Variants in SLC22A24 observed in about 807,000 individuals in gnomAD.
The protein encoded by SLC22A24 is solute carrier family 22 member 24.
A neutral mutation model predicts 49.8 loss-of-function variants in SLC22A24; 53 were observed. The ratio of observed to expected loss-of-function variants is 1.06; its 90% CI spans 0.85 to 1.34. SLC22A24 has a LOEUF of 1.34. SLC22A24 is among the 40% of genes most tolerant of loss of function. The pLI, the probability that SLC22A24 is intolerant of heterozygous loss-of-function variation, is 0.00. For synonymous variants in SLC22A24, 302 were observed against 256.4 expected (o/e 1.18, Z -1.70); for missense variants, 786 against 675.9 (o/e 1.16, Z -1.81).
intron 4 of SLC22A24, among the ~76,000 whole-genome samples, chr11:63,107,567 T>C (rs2087130003): frequency 6.6e-6 from 1 of 152,228 alleles, no homozygotes; most frequent in Non-Finnish European, 1.5e-5. Context: ...TCCATGAGCA[T>C]GGAATGTTTT....
At chr11:63,127,956 G>A (rs1399445227) in intron 2 of SLC22A24, among the ~76,000 whole-genome samples, 2 of 151,868 alleles carry the variant, frequency 1.3e-5, no homozygotes, top group East Asian at 3.9e-4. Flanking sequence ...CTGTGCAGAA[G>A]CTCTTTAGTT....
intron 4 of SLC22A24, among the ~76,000 whole-genome samples, chr11:63,113,627 G>A (rs2087191195): frequency 6.6e-6 from 1 of 151,964 alleles, no homozygotes; most frequent in South Asian, 2.1e-4. Context: ...AGGCCGAGGT[G>A]GGCAGATCAC....
intron 4 of SLC22A24, among the ~76,000 whole-genome samples, chr11:63,113,578 G>A (rs892183281): frequency 1.1e-4 from 17 of 151,808 alleles, no homozygotes; most frequent in Non-Finnish European, 1.8e-4. Context: ...TGTTGAGGCC[G>A]GGCACAGTGG....
At chr11:63,113,451 G>A (rs908661652) in intron 4 of SLC22A24, among the ~76,000 whole-genome samples, 19 of 151,832 alleles carry the variant, frequency 1.3e-4, no homozygotes, top group Middle Eastern at 6.8e-3. Context: ...CAGGCCCATT[G>A]GTGGCAAAAT....
intron 4 of SLC22A24, among the ~76,000 whole-genome samples, chr11:63,117,805 C>A (rs931330924): frequency 6.6e-6 from 1 of 152,132 alleles, no homozygotes; most frequent in Non-Finnish European, 1.5e-5. Context: ...AGGCTGCCAG[C>A]CAAGAGTAGG....
intron 2 of SLC22A24, among the ~76,000 whole-genome samples, chr11:63,131,433 G>A (rs983968695): frequency 6.6e-6 from 1 of 152,122 alleles, no homozygotes; most frequent in Non-Finnish European, 1.5e-5. Flanking sequence ...TCCTTTCCAT[G>A]TTTAGTGCTT....
chr11:63,143,129 C>T (rs2087426974), intron 1 of SLC22A24, among the ~76,000 whole-genome samples: 1 of 152,014 alleles, frequency 6.6e-6, no homozygotes, highest in Admixed American at 6.6e-5. Flanking sequence ...GTGTTTGAGC[C>T]TAGTTATAAT....
At chr11:63,121,416 A>G (rs929786301) in intron 2 of SLC22A24, among the ~76,000 whole-genome samples, 2 of 152,152 alleles carry the variant, frequency 1.3e-5, no homozygotes, top group African/African-American at 2.4e-5. Context: ...GGAAATGAGA[A>G]TAGGAAAAAA....
chr11:63,087,743 A>G (rs942375649), intron 6 of SLC22A24, among the ~76,000 whole-genome samples: 7 of 151,794 alleles, frequency 4.6e-5, no homozygotes, highest in African/African-American at 1.2e-4. Context: ...TGGTGGGGGG[A>G]GGGGTGTGCG....
chr11:63,113,203 C>CAT (rs1392395181), intron 4 of SLC22A24, among the ~76,000 whole-genome samples: 510 of 3,742 alleles, frequency 0.14, 210 homozygotes, highest in Middle Eastern at 0.25. Context: ...TATATATATA[C>CAT]ATATATATAC....
At chr11:63,137,209 T>C (rs1939755) in intron 1 of SLC22A24, among the ~76,000 whole-genome samples, 151,676 of 152,292 alleles carry the variant, frequency 1, 75,535 homozygotes, top group Middle Eastern at 1. Flanking sequence ...GGCTTCTCCT[T>C]AATCAGGAAG....
intron 2 of SLC22A24, among the ~76,000 whole-genome samples, chr11:63,119,976 T>A (rs1372063446): frequency 6.6e-6 from 1 of 151,976 alleles, no homozygotes; most frequent in African/African-American, 2.4e-5. Flanking sequence ...TTGTTTGTTT[T>A]TTTCTTGTAA....
chr11:63,118,849 A>G, intron 4 of SLC22A24, 63 bp downstream of exon 4: 1 of 1,532,952 alleles, frequency 6.5e-7, no homozygotes, highest in Non-Finnish European at 8.8e-7. Flanking sequence ...AGGTGTCAGA[A>G]TTTTCCTTTC....
At chr11:63,124,417 C>A (rs2087273768) in intron 2 of SLC22A24, among the ~76,000 whole-genome samples, 1 of 152,116 alleles carries the variant, frequency 6.6e-6, no homozygotes, top group African/African-American at 2.4e-5. Flanking sequence ...GCAGACGGTT[C>A]TTTTTAAAGA....
intron 2 of SLC22A24, among the ~76,000 whole-genome samples, chr11:63,130,907 C>G (rs1248572745): frequency 1.3e-5 from 2 of 151,572 alleles, no homozygotes; most frequent in Non-Finnish European, 2.9e-5. Flanking sequence ...GTGTGGTAGT[C>G]TAAGTCTTTT....
At position 63,118,907 on chromosome 11, in the gene SLC22A24, C is replaced by T. The variant is rs1465715555; in HGVS notation, c.830+5G>A. 2 of 1,551,974 alleles carry T rather than the reference C, an allele frequency of 1.3e-6. No individual in the cohort carries two copies. Among genetic ancestry groups the T allele is most frequent in the Non-Finnish European group, 1.7e-6 (2 of 1,147,014 alleles). On this transcript the variant is annotated splice_donor_5th_base_variant and intron_variant, in intron 4 of 9. Coordinates refer to ENST00000612278, the MANE Select transcript of SLC22A24 (RefSeq NM_001136506.2). ...ACAGGCAAAGAATGTGGAGATTGTT[C>T]ATACCAAGAGGACAAGAAGAGGACA... is the stretch of plus-strand genomic sequence containing the variant.
chr11:63,120,772 G>C (rs990281484), intron 2 of SLC22A24, among the ~76,000 whole-genome samples: 3 of 152,000 alleles, frequency 2.0e-5, no homozygotes, highest in Non-Finnish European at 4.4e-5. Flanking sequence ...TTTATGTCAT[G>C]ATTACTCTTA....
chr11:63,142,961 A>G (rs898100423), intron 1 of SLC22A24, among the ~76,000 whole-genome samples: 2 of 152,230 alleles, frequency 1.3e-5, no homozygotes, highest in African/African-American at 4.8e-5. Flanking sequence ...AAGTATCTCA[A>G]CAACATTTTG....
At chr11:63,082,793 A>G (rs187205337) in intron 7 of SLC22A24, among the ~76,000 whole-genome samples, 1 of 152,368 alleles carries the variant, frequency 6.6e-6, no homozygotes, top group Admixed American at 6.5e-5. Context: ...TATACAGGGA[A>G]GAGGATATGG....
Sources: gnomAD v4.1 joint callset for allele counts (sites outside exome capture counted in the v4.1 genomes callset) on GRCh38, gnomAD v4.1.1 for gene constraint, MANE v1.5 for transcripts, NCBI Gene and HGNC (gene_info 2026-07-23, HGNC 2026-07-21) for gene names.